Variants in RAD18 observed in about 807,000 individuals in gnomAD.
RAD18 encodes the protein RAD18 E3 ubiquitin protein ligase, also known as E3 ubiquitin-protein ligase RAD18.
RAD18 carries 47 observed loss-of-function variants against 60.4 expected under a neutral mutation model. The observed-to-expected ratio is 0.78, with a 90% CI of 0.62 to 0.99. The LOEUF (loss-of-function observed/expected upper bound fraction) is 0.99, where lower values mean the gene tolerates loss of function less well. RAD18 is among the 50% of genes least tolerant of loss of function. RAD18 has a pLI of 0.00. For synonymous variants in RAD18, 225 were observed against 195.5 expected (o/e 1.15, Z -1.26); for missense variants, 640 against 593.3 (o/e 1.08, Z -0.82).
At chr3:8,922,900 C>A (rs1027801534) in intron 7 of RAD18, among the ~76,000 whole-genome samples, 2 of 152,128 alleles carry the variant, frequency 1.3e-5, no homozygotes, top group Non-Finnish European at 2.9e-5. Context: ...GTCATCCACA[C>A]CAAAACCCCA....
chr3:8,892,575 T>C (rs1939710429), intron 11 of RAD18, among the ~76,000 whole-genome samples: 1 of 152,210 alleles, frequency 6.6e-6, no homozygotes, highest in Admixed American at 6.5e-5. Context: ...AAGCTAATTC[T>C]GTGTGTGTGC....
intron 11 of RAD18, among the ~76,000 whole-genome samples, chr3:8,894,759 C>CTT (rs71625397): frequency 2.4e-4 from 29 of 120,768 alleles, no homozygotes; most frequent in South Asian, 5.5e-4. Context: ...AGTTTAAGCG[C>CTT]TTTTTTTTTT....
At chr3:8,894,454 T>C (rs574917832) in intron 11 of RAD18, among the ~76,000 whole-genome samples, 21 of 152,304 alleles carry the variant, frequency 1.4e-4, no homozygotes, top group Admixed American at 1.1e-3. Flanking sequence ...CCAGGGAAGT[T>C]AGAGGGACAA....
intron 2 of RAD18, among the ~76,000 whole-genome samples, chr3:8,957,433 A>G (rs1257161402): frequency 6.6e-6 from 1 of 152,220 alleles, no homozygotes; most frequent in Admixed American, 6.5e-5. Context: ...ACAAAGCCAC[A>G]GTAATCAAGA....
chr3:8,952,098 AG>A (rs1199157014), intron 2 of RAD18, among the ~76,000 whole-genome samples: 3 of 152,216 alleles, frequency 2.0e-5, no homozygotes, highest in African/African-American at 7.2e-5. Context: ...ATAGGACTTT[AG>A]GGGGGATAAA....
At chr3:8,929,291 G>A (rs1940506170) in intron 7 of RAD18, among the ~76,000 whole-genome samples, 6 of 152,020 alleles carry the variant, frequency 3.9e-5, no homozygotes, top group Admixed American at 3.9e-4. Flanking sequence ...TGAGAAAAAT[G>A]AAGCTGAAGG....
In RAD18 at chr3:8,902,455, C is replaced by A. The variant is rs200851398; in HGVS notation, c.1093G>T (p.Ala365Ser). 156 of 1,610,062 alleles carry A rather than the reference C, an allele frequency of 9.7e-5. No homozygotes were observed. Among genetic ancestry groups the A allele is most frequent in the Non-Finnish European group, 1.1e-4 (126 of 1,177,548 alleles). ...DQARKGYKKI[A>S]GMSQKTVTIT... ...GTTACTGTTTTTTGTGACATTCCAG[C>A]AATTTTCTTGTATCCTTTTCTAGCC... The change falls in exon 10 of 13, where the codon GCT becomes TCT. Residue 365 changes from alanine to serine, a missense_variant. Coordinates refer to ENST00000264926, the MANE Select transcript of RAD18 (RefSeq NM_020165.4).
chr3:8,898,918 G>A lies in RAD18; in HGVS notation c.1298C>T (p.Ser433Leu), dbSNP rs1203013656. ...SCIDIQEVLSSSESDSCNSSS... is the reference protein window; with the variant it reads ...SCIDIQEVLSLSESDSCNSSS... ...CCTATTGCATGAATCTGATTCTGAT[G>A]AAGAAAGAACTTCTTGAATATCAAT... The change falls in exon 11 of 13, where the codon TCA (serine) becomes TTA (leucine). Residue 433 changes from serine to leucine, a missense_variant. By Grantham distance (145) the Ser-to-Leu change is moderately radical. Coordinates refer to ENST00000264926, the MANE Select transcript of RAD18 (RefSeq NM_020165.4). 1.9e-6 allele frequency: 3 copies of A among 1,597,056 alleles called. No homozygotes were observed. Among genetic ancestry groups the A allele is most frequent in the South Asian group, 1.1e-5 (1 of 87,632 alleles).
intron 9 of RAD18, among the ~76,000 whole-genome samples, chr3:8,903,576 T>C (rs1416081287): frequency 6.6e-6 from 1 of 152,200 alleles, no homozygotes; most frequent in African/African-American, 2.4e-5. Context: ...TGAATATAAT[T>C]AACCCTGACC....
chr3:8,920,480 A>G (rs1427255300), intron 7 of RAD18, among the ~76,000 whole-genome samples: 1 of 152,140 alleles, frequency 6.6e-6, no homozygotes, highest in Non-Finnish European at 1.5e-5. Flanking sequence ...TGAAATCTTA[A>G]TGAGGTATAG....
chr3:8,899,831 G>C lies in RAD18; in HGVS notation c.1169-784C>G, dbSNP rs567420204. On this transcript the variant is annotated intron_variant, in intron 10 of 12. Coordinates refer to ENST00000264926, the MANE Select transcript of RAD18 (RefSeq NM_020165.4). ...GTGCTGTCCTTAACTTTCAGGAACT[G>C]AGGAGGTACCTCACATGCAAGCTAC... Among the ~76,000 whole-genome samples, 4 of 152,302 alleles carry C rather than the reference G, an allele frequency of 2.6e-5. No individual in the cohort carries two copies. In the South Asian group the frequency reaches 6.2e-4, roughly 24 times the overall value.
At position 8,891,075 on chromosome 3, in the gene RAD18, AATAT is replaced by A. The variant is rs71049753; in HGVS notation, c.1323-628_1323-625del. Among the ~76,000 whole-genome samples, 139 of 25,976 alleles carry A rather than the reference AATAT, an allele frequency of 5.4e-3. 2 individuals are homozygous for A. Among genetic ancestry groups the A allele is most frequent in the East Asian group, 0.039 (77 of 1,998 alleles). 17.0% of individuals were successfully genotyped at this position (25,976 alleles called of 152,430 possible). Reference sequence around the variant, plus strand: ...ACATGTATAAAGCATATATATATAAAATATATATATATATATATATATCTGTGTT... The same window carrying A: ...ACATGTATAAAGCATATATATATAAAATATATATATATATATATCTGTGTT... On this transcript the variant is annotated intron_variant, in intron 11 of 12. Transcript: ENST00000264926.
In RAD18 at chr3:8,953,002, A is replaced by ACC. The variant is rs1940951118; in HGVS notation, c.134-4433_134-4432insGG. ...AGCCTGGGAAAAGATCAAAATTCAAAATTCAAAGTATGGTTTCTACTGAAT... is the reference window on the plus strand; with the variant it reads ...AGCCTGGGAAAAGATCAAAATTCAAACCATTCAAAGTATGGTTTCTACTGAAT... On this transcript the variant is annotated intron_variant, in intron 2 of 12. Coordinates refer to ENST00000264926, the MANE Select transcript of RAD18 (RefSeq NM_020165.4). 3.3e-5 allele frequency among the ~76,000 whole-genome samples: 5 copies of ACC among 152,210 alleles called. No homozygotes were observed. The South Asian group carries it at 1.0e-3, about 32-fold the overall frequency.
At chr3:8,927,140 A>G (rs1362794963) in intron 7 of RAD18, among the ~76,000 whole-genome samples, 1 of 152,266 alleles carries the variant, frequency 6.6e-6, no homozygotes, top group African/African-American at 2.4e-5. Context: ...GAATGGGAGA[A>G]AATTTTTGCA....
In RAD18 at chr3:8,946,650, C is replaced by T. The variant is rs147875582; in HGVS notation, c.266+570G>A. 2.1e-3 allele frequency among the ~76,000 whole-genome samples: 326 copies of T among 152,258 alleles called. 2 individuals carry two copies. The highest frequency in any genetic ancestry group is 7.7e-3 in the African/African-American group (321 of 41,554). Reference sequence around the variant, plus strand: ...ATATCTGAGCTTTATAAAGTACAAGCAATTACATATTTCAAATGCCATACC... The same window carrying T: ...ATATCTGAGCTTTATAAAGTACAAGTAATTACATATTTCAAATGCCATACC... On this transcript the variant is annotated intron_variant, in intron 4 of 12. Coordinates refer to ENST00000264926, the MANE Select transcript of RAD18 (RefSeq NM_020165.4).
intron 11 of RAD18, among the ~76,000 whole-genome samples, chr3:8,890,724 A>G (rs1339990847): frequency 6.6e-6 from 1 of 152,148 alleles, no homozygotes; most frequent in African/African-American, 2.4e-5. Context: ...AGGGAGGCTG[A>G]GATTCCCTGC....
intron 1 of RAD18, among the ~76,000 whole-genome samples, chr3:8,962,347 C>G (rs1423679135): frequency 6.6e-6 from 1 of 152,190 alleles, no homozygotes; most frequent in African/African-American, 2.4e-5. Flanking sequence ...TACAGCTTTC[C>G]TGGATCATTT....
rs1472523850 is a variant in RAD18, at chr3:8,937,517, AGG to A, written c.705-1464_705-1463del. 6.0e-3 allele frequency among the ~76,000 whole-genome samples: 912 copies of A among 151,604 alleles called. 12 individuals carry two copies. Among genetic ancestry groups the A allele is most frequent in the African/African-American group, 0.021 (866 of 40,938 alleles). ...GACATGGTTTTATATAGAAGGGTTA[AGG>A]GCTGCCACTCACATTCAGCAGATGG... On this transcript the variant is annotated intron_variant, in intron 6 of 12. Transcript: ENST00000264926.
intron 7 of RAD18, among the ~76,000 whole-genome samples, chr3:8,927,754 T>C (rs1940468389): frequency 6.6e-6 from 1 of 152,208 alleles, no homozygotes; most frequent in South Asian, 2.1e-4. Flanking sequence ...GTTCATGTCC[T>C]TTGTAGGGAC....
Sources: allele counts gnomAD v4.1 joint callset (sites outside exome capture counted in the v4.1 genomes callset), GRCh38; gene constraint gnomAD v4.1.1; transcripts MANE v1.5; gene names NCBI Gene and HGNC (gene_info 2026-07-23, HGNC 2026-07-21).